RAP1GDS1: variants seen among roughly 807,000 people sequenced by gnomAD.
The protein encoded by RAP1GDS1 is Rap1 GTPase-GDP dissociation stimulator 1.
RAP1GDS1 carries 35 observed loss-of-function variants against 71.1 expected under a neutral mutation model. The ratio of observed to expected loss-of-function variants is 0.49; its 90% CI spans 0.38 to 0.65. The LOEUF is 0.65. Among genes scored for constraint, RAP1GDS1 ranks in the 30% least tolerant of loss-of-function variants. RAP1GDS1 has a pLI of 0.00. For synonymous variants in RAP1GDS1, 229 were observed against 243.1 expected, an observed-to-expected ratio of 0.94 and a Z score of 0.54; for missense variants, 663 against 706.1, an observed-to-expected ratio of 0.94 and a Z score of 0.69.
chr4:98,405,825 CA>C (rs74646636), intron 7 of RAP1GDS1, among the ~76,000 whole-genome samples: 3 of 149,644 alleles, frequency 2.0e-5, no homozygotes, highest in Non-Finnish European at 4.5e-5. Flanking sequence ...GAATAAAGAC[CA>C]AAAAAAACGG....
intron 2 of RAP1GDS1, among the ~76,000 whole-genome samples, chr4:98,320,227 C>A (rs893727646): frequency 1.1e-4 from 16 of 152,102 alleles, no homozygotes; most frequent in African/African-American, 3.6e-4. Flanking sequence ...TTTCGACTTA[C>A]TTTATTTATT....
chr4:98,270,148 G>A (rs538068746), intron 1 of RAP1GDS1, among the ~76,000 whole-genome samples: 29 of 152,222 alleles, frequency 1.9e-4, no homozygotes, highest in African/African-American at 7.0e-4. Context: ...ATCCACTCTG[G>A]TAAGCTCTTT....
intron 1 of RAP1GDS1, among the ~76,000 whole-genome samples, chr4:98,266,700 A>G (rs1722756599): frequency 6.6e-6 from 1 of 152,166 alleles, no homozygotes; most frequent in Admixed American, 6.5e-5. Flanking sequence ...TGTTTTGTAT[A>G]TGTCTTTTTT....
intron 4 of RAP1GDS1, among the ~76,000 whole-genome samples, chr4:98,370,003 AG>A (rs927127319): frequency 6.6e-6 from 1 of 152,222 alleles, no homozygotes; most frequent in African/African-American, 2.4e-5. Context: ...TGACTCCTCC[AG>A]GTAAAAGTAA....
At chr4:98,374,903 A>G (rs1740939172) in intron 4 of RAP1GDS1, among the ~76,000 whole-genome samples, 1 of 152,138 alleles carries the variant, frequency 6.6e-6, no homozygotes, top group African/African-American at 2.4e-5. Flanking sequence ...GAACATTCCT[A>G]TTACAGTTAG....
intron 12 of RAP1GDS1, among the ~76,000 whole-genome samples, chr4:98,421,707 G>GAT (rs1748888822): frequency 6.6e-6 from 1 of 152,110 alleles, no homozygotes; most frequent in Non-Finnish European, 1.5e-5. Context: ...ATGGTACCTA[G>GAT]ATAGTATATG....
chr4:98,397,907 G>A (rs545068954), intron 6 of RAP1GDS1, among the ~76,000 whole-genome samples: 1 of 152,216 alleles, frequency 6.6e-6, no homozygotes, highest in South Asian at 2.1e-4. Context: ...TGCCCCATTT[G>A]TCTCCCAGAA....
chr4:98,277,014 G>A (rs1724313279), intron 1 of RAP1GDS1, among the ~76,000 whole-genome samples: 1 of 152,080 alleles, frequency 6.6e-6, no homozygotes, highest in South Asian at 2.1e-4. Flanking sequence ...CCTTTAGTTA[G>A]GGGCAGTGTC....
intron 2 of RAP1GDS1, among the ~76,000 whole-genome samples, chr4:98,325,759 C>T (rs1031797374): frequency 1.7e-5 from 2 of 116,748 alleles, no homozygotes; most frequent in African/African-American, 3.4e-5. Flanking sequence ...ATATCACACT[C>T]TGGGGACTGT....
chr4:98,335,265 C>T (rs1194742105), intron 2 of RAP1GDS1, among the ~76,000 whole-genome samples: 1 of 152,084 alleles, frequency 6.6e-6, no homozygotes, highest in Non-Finnish European at 1.5e-5. Flanking sequence ...CATTCTGTGT[C>T]CATCAGGCTA....
intron 3 of RAP1GDS1, among the ~76,000 whole-genome samples, chr4:98,344,358 G>C (rs769503420): frequency 2.2e-4 from 33 of 152,084 alleles, no homozygotes; most frequent in Admixed American, 3.9e-4. Flanking sequence ...CAGCATCTTG[G>C]TTTTTAAGAA....
rs143796715 is a variant in RAP1GDS1, at chr4:98,338,816, T to C, written c.113-4323T>C. 7.0e-3 allele frequency among the ~76,000 whole-genome samples: 1,060 copies of C among 152,352 alleles called. 11 individuals carry two copies. Among genetic ancestry groups the C allele is most frequent in the African/African-American group, 0.024 (995 of 41,574 alleles). On this transcript the variant is annotated intron_variant, in intron 2 of 14. Transcript: ENST00000408927. ...TATAAATTGGTCAATTGCTTTTCAT[T>C]AGTTTATCCTCATGAAACCTATATG...
chr4:98,416,654 T>C (rs917712308), intron 7 of RAP1GDS1, 91 bp from the exon 8 acceptor site: 4 of 1,260,714 alleles, frequency 3.2e-6, no homozygotes, highest in East Asian at 5.0e-5. Flanking sequence ...CTGGCCCTCT[T>C]AGTTTCTTAT....
chr4:98,309,709 C>T lies in RAP1GDS1; in HGVS notation c.112+16194C>T, dbSNP rs963518063. Among the ~76,000 whole-genome samples the T allele has an allele frequency of 2.0e-5, 3 of 151,838 alleles. 1 individual carries two copies. In the South Asian group the frequency reaches 6.2e-4, roughly 31 times the overall value. On this transcript the variant is annotated intron_variant, in intron 2 of 14. Transcript: ENST00000408927. ...TATCTTCTTAATTGAATATAAAATA[C>T]TACGTTGTTTTCTATTTGCTATACA...
chr4:98,390,001 T>A (rs1743363889), intron 5 of RAP1GDS1, among the ~76,000 whole-genome samples: 1 of 152,184 alleles, frequency 6.6e-6, no homozygotes. Flanking sequence ...GCGCTAGTGC[T>A]CACGCTTACA....
chr4:98,300,187 C>T (rs1048430614), intron 2 of RAP1GDS1, among the ~76,000 whole-genome samples: 7 of 152,150 alleles, frequency 4.6e-5, no homozygotes, highest in African/African-American at 1.7e-4. Context: ...ACCTAACCTT[C>T]AGCAACCAGC....
At chr4:98,408,879 A>G (rs1746571696) in intron 7 of RAP1GDS1, among the ~76,000 whole-genome samples, 1 of 152,166 alleles carries the variant, frequency 6.6e-6, no homozygotes, top group South Asian at 2.1e-4. Context: ...AGGACTAGGA[A>G]GGTCTTCAAT....
At chr4:98,329,821 A>G (rs1733680466) in intron 2 of RAP1GDS1, among the ~76,000 whole-genome samples, 1 of 148,382 alleles carries the variant, frequency 6.7e-6, no homozygotes. Flanking sequence ...AGTGCCCATT[A>G]GGGCCTTTTC....
rs908918534 is a variant in RAP1GDS1 at position 98,396,175 on chromosome 4, C to T, written c.637+4095C>T. The T allele has an allele frequency of 8.5e-5, 13 of 152,246 alleles. No individual in the cohort carries two copies. The South Asian group carries it at 1.5e-3, about 17-fold the overall frequency. 9.4% of individuals were successfully genotyped at this position (152,246 alleles called of 1,614,324 possible). On this transcript the variant is annotated intron_variant, in intron 6 of 14. Transcript: ENST00000408927. ...GGGACCTGCCCCCATTATCTAATTA[C>T]CTCCTGCCTGGCCTCACCTCCAATA... is the stretch of plus-strand genomic sequence containing the variant.
Sources: gnomAD v4.1 joint callset for allele counts (sites outside exome capture counted in the v4.1 genomes callset) on GRCh38, gnomAD v4.1.1 for gene constraint, MANE v1.5 for transcripts, NCBI Gene and HGNC (gene_info 2026-07-23, HGNC 2026-07-21) for gene names.